SKI: variants seen among roughly 807,000 people sequenced by gnomAD.
The protein encoded by SKI is SKI proto-oncogene, also known as ski oncogene.
A neutral mutation model predicts 59.3 loss-of-function variants in SKI; 23 were observed. That is an observed-to-expected ratio of 0.39 (90% CI 0.28 to 0.55). The LOEUF (loss-of-function observed/expected upper bound fraction) is 0.55, where lower values mean the gene tolerates loss of function less well. SKI is among the 20% of genes least tolerant of loss of function. The probability of loss-of-function intolerance (pLI) is 0.67; values close to 1 mark genes in which losing one functional copy is unlikely to be tolerated. For synonymous variants in SKI, 673 were observed against 488.6 expected, an observed-to-expected ratio of 1.38 and a Z score of -4.98; for missense variants, 1,017 against 1,038.9, an observed-to-expected ratio of 0.98 and a Z score of 0.29.
At chr1:2,292,020 T>C (rs1640172889) in intron 1 of SKI, among the ~76,000 whole-genome samples, 1 of 152,352 alleles carries the variant, frequency 6.6e-6, no homozygotes, top group South Asian at 2.1e-4. Context: ...TAATGGCACT[T>C]ACAAAAATAG....
chr1:2,241,947 G>GTC (rs1553191968), intron 1 of SKI, among the ~76,000 whole-genome samples: 1 of 133,164 alleles, frequency 7.5e-6, no homozygotes, highest in Non-Finnish European at 1.7e-5. Context: ...GTGCATGCCT[G>GTC]TCTGTGTGTG....
chr1:2,304,395 C>T lies in SKI; in HGVS notation c.1577C>T (p.Pro526Leu). Residue 526 changes from proline (P) to leucine (L), a missense_variant, in exon 5 of 7, where the codon CCT (proline) becomes CTT (leucine). Pro to Leu is a moderately conservative substitution (Grantham distance 98). Transcript: ENST00000378536. ...PGARALPSAV[P>L]DAAAPADAPS... The stretch of plus-strand genomic sequence containing the variant: ...GCGCGTGCCCTGCCCTCGGCCGTCC[C>T]TGATGCTGCGGCCCCTGCCGACGCC... 1 of 1,552,802 alleles carries T rather than the reference C, an allele frequency of 6.4e-7. No individual in the cohort carries two copies. The highest frequency in any genetic ancestry group is 1.2e-5 in the South Asian group (1 of 84,236).
chr1:2,249,540 C>G (rs1035044103), intron 1 of SKI, among the ~76,000 whole-genome samples: 1 of 152,232 alleles, frequency 6.6e-6, no homozygotes, highest in African/African-American at 2.4e-5. Context: ...AAACCGACCC[C>G]AGGTGATTCT....
rs562719592 is a variant in SKI at position 2,299,841 on chromosome 1, C to G, written c.970-3137C>G. Among the ~76,000 whole-genome samples the G allele has an allele frequency of 2.0e-5, 3 of 152,322 alleles. No individual in the cohort carries two copies. The South Asian group carries it at 6.2e-4, about 32-fold the overall frequency. Reference sequence around the variant, plus strand: ...ACCTTACAGGCCTGAAACGCAGGGCCCCCAAGGGTGGGGTGTGCATTTTTG... The same window carrying G: ...ACCTTACAGGCCTGAAACGCAGGGCGCCCAAGGGTGGGGTGTGCATTTTTG... On this transcript the variant is annotated intron_variant, in intron 1 of 6. Coordinates refer to ENST00000378536, the MANE Select transcript of SKI (RefSeq NM_003036.4).
At chr1:2,233,959 C>T (rs965163533) in intron 1 of SKI, among the ~76,000 whole-genome samples, 3 of 152,182 alleles carry the variant, frequency 2.0e-5, no homozygotes, top group African/African-American at 7.2e-5. Context: ...GCTATCTGTC[C>T]CTTTGTCCAC....
chr1:2,305,373 G>A (rs536123500), intron 5 of SKI, among the ~76,000 whole-genome samples: 2 of 152,268 alleles, frequency 1.3e-5, no homozygotes, highest in Non-Finnish European at 2.9e-5. Context: ...CTTCCGCGGC[G>A]TGGGCTTTAG....
chr1:2,252,252 C>G (rs912563431), intron 1 of SKI, among the ~76,000 whole-genome samples: 2 of 152,158 alleles, frequency 1.3e-5, no homozygotes. Context: ...TTAGCTGCTC[C>G]GTGAAAGGTG....
intron 1 of SKI, among the ~76,000 whole-genome samples, chr1:2,247,219 A>AAAAAAAC (rs376403245): frequency 1.3e-5 from 2 of 152,118 alleles, no homozygotes; most frequent in African/African-American, 2.4e-5. Context: ...ACTCCATCTT[A>AAAAAAAC]AAAAAACAAA....
chr1:2,306,874 C>T lies in SKI; in HGVS notation c.*109C>T, dbSNP rs1002245847. 1.1e-5 allele frequency: 8 copies of T among 718,668 alleles called. No individual in the cohort carries two copies. Among genetic ancestry groups the T allele is most frequent in the African/African-American group, 5.8e-5 (3 of 51,850 alleles). The allele number at this position is 718,668 out of a possible 1,614,324, so 44.5% of individuals were successfully genotyped here. On this transcript the variant is annotated 3_prime_UTR_variant, in exon 7 of 7. Transcript: ENST00000378536. ...CCCTGCAGCCCACACAGCACAACGT[C>T]TTACCGTGCCTATTACCAAGCGAGT...
chr1:2,229,826 C>T lies in SKI; in HGVS notation c.969+91C>T, dbSNP rs950157205. ...AGGCTCTGGTCTCCGAAGGCTGGGA[C>T]CTGTGCTTCTGCCGTGCCCCATGTC... On this transcript the variant is annotated intron_variant, in intron 1 of 6. Transcript: ENST00000378536. This position sits in a 1 kb window ranked among gnomAD's most constrained non-coding sequence, Gnocchi z 6.3. 61 of 1,542,506 alleles carry T rather than the reference C, an allele frequency of 4.0e-5. No individual in the cohort carries two copies. Among genetic ancestry groups the T allele is most frequent in the South Asian group, 1.6e-4 (13 of 83,066 alleles).
chr1:2,230,671 G>A (rs1032771782), intron 1 of SKI, among the ~76,000 whole-genome samples: 11 of 152,128 alleles, frequency 7.2e-5, no homozygotes, highest in African/African-American at 2.7e-4. Flanking sequence ...TACTCAGTGG[G>A]GTCCTCAGGA....
chr1:2,272,371 C>T (rs1639643668), intron 1 of SKI, among the ~76,000 whole-genome samples: 1 of 152,276 alleles, frequency 6.6e-6, no homozygotes, highest in African/African-American at 2.4e-5. Context: ...GTGCTGCCCC[C>T]TCAAACCAGC....
At chr1:2,277,633 GCACA>G (rs945109548) in intron 1 of SKI, among the ~76,000 whole-genome samples, 12 of 152,172 alleles carry the variant, frequency 7.9e-5, no homozygotes, top group African/African-American at 2.9e-4. Flanking sequence ...AAAATGGAGT[GCACA>G]CACACGTCAG....
At chr1:2,297,811 C>T (rs1033616242) in intron 1 of SKI, among the ~76,000 whole-genome samples, 4 of 152,250 alleles carry the variant, frequency 2.6e-5, no homozygotes, top group African/African-American at 9.6e-5. Context: ...GTGGGCCCGC[C>T]CGGTGTGCAT....
intron 1 of SKI, among the ~76,000 whole-genome samples, chr1:2,254,738 G>A (rs1448267309): frequency 6.6e-6 from 1 of 152,112 alleles, no homozygotes; most frequent in Non-Finnish European, 1.5e-5. Flanking sequence ...GCGTGCGTGT[G>A]TGTGTGTGTG....
rs1251491339 is a variant in SKI, at chr1:2,268,581, A to G, written c.970-34397A>G. On this transcript the variant is annotated intron_variant, in intron 1 of 6. Transcript: ENST00000378536. This position sits in a 1 kb window ranked among gnomAD's most constrained non-coding sequence, Gnocchi z 5.0. ...CATGGCCCATTTGGCTGGTGCTGAG[A>G]CAAGGTGAATTTTCTTGGCTGGCTT... is the stretch of plus-strand genomic sequence containing the variant. Among the ~76,000 whole-genome samples, 2 of 152,202 alleles carry G rather than the reference A, an allele frequency of 1.3e-5. No homozygotes were observed. Among genetic ancestry groups the G allele is most frequent in the Non-Finnish European group, 2.9e-5 (2 of 68,020 alleles).
chr1:2,256,870 C>T (rs1639285260), intron 1 of SKI, among the ~76,000 whole-genome samples: 2 of 152,332 alleles, frequency 1.3e-5, no homozygotes, highest in East Asian at 3.9e-4. Flanking sequence ...TGTTGGGCGC[C>T]TATTGGGCCC....
intron 1 of SKI, among the ~76,000 whole-genome samples, chr1:2,241,896 G>A (rs114158512): frequency 1.9e-3 from 294 of 152,278 alleles, no homozygotes; most frequent in African/African-American, 6.8e-3. Flanking sequence ...GCTGCTTTTC[G>A]GGACCCAGGG....
At chr1:2,230,826 T>C (rs1171594943) in intron 1 of SKI, among the ~76,000 whole-genome samples, 1 of 152,212 alleles carries the variant, frequency 6.6e-6, no homozygotes, top group African/African-American at 2.4e-5. Flanking sequence ...ACTTTTTTTT[T>C]CTAAATCTGT....
Sources: allele counts gnomAD v4.1 joint callset (sites outside exome capture counted in the v4.1 genomes callset), GRCh38; gene constraint gnomAD v4.1.1; non-coding constraint Gnocchi (gnomAD v3.1); transcripts MANE v1.5; gene names NCBI Gene and HGNC (gene_info 2026-07-23, HGNC 2026-07-21).